DNAH14: variants seen among roughly 807,000 people sequenced by gnomAD.
DNAH14 encodes axonemal beta dynein heavy chain 14.
In DNAH14, 478 loss-of-function variants were observed where a neutral mutation model predicts 520.9. That is an observed-to-expected ratio of 0.92 (90% CI 0.85 to 0.99). The LOEUF is 0.99. Among genes scored for constraint, DNAH14 ranks in the 50% least tolerant of loss-of-function variants. The probability of loss-of-function intolerance (pLI) is 0.00; values close to 1 mark genes in which losing one functional copy is unlikely to be tolerated. For missense variants in DNAH14, 4,831 were observed against 5,234.5 expected, an observed-to-expected ratio of 0.92 and a Z score of 2.38; for synonymous variants, 1,581 against 1,757.2, an observed-to-expected ratio of 0.90 and a Z score of 2.51.
At chr1:225,003,734 A>G (rs549723593) in intron 9 of DNAH14, among the ~76,000 whole-genome samples, 1 of 152,252 alleles carries the variant, frequency 6.6e-6, no homozygotes, top group Non-Finnish European at 1.5e-5. Context: ...ATACTTATAT[A>G]GAGAATGTTT....
chr1:225,166,351 C>T (rs2082047886), intron 35 of DNAH14, among the ~76,000 whole-genome samples: 1 of 152,090 alleles, frequency 6.6e-6, no homozygotes, highest in Non-Finnish European at 1.5e-5. Context: ...GTATTATACC[C>T]ACATTTGTAT....
At chr1:225,102,292 G>C (rs111304225) in intron 23 of DNAH14, among the ~76,000 whole-genome samples, 7,892 of 151,920 alleles carry the variant, frequency 0.052, 221 homozygotes, top group Non-Finnish European at 0.076. Flanking sequence ...GTCTATCATT[G>C]TTGGACATTT....
intron 46 of DNAH14, among the ~76,000 whole-genome samples, chr1:225,260,597 G>A (rs2092901127): frequency 6.8e-6 from 1 of 147,482 alleles, no homozygotes; most frequent in Non-Finnish European, 1.5e-5. Context: ...GTAGGGTGAT[G>A]CCACAAGCTT....
chr1:225,130,387 C>G (rs2148949274), intron 27 of DNAH14, among the ~76,000 whole-genome samples: 1 of 152,028 alleles, frequency 6.6e-6, no homozygotes, highest in South Asian at 2.1e-4. Context: ...TATTGTGGCA[C>G]TAGTCACAAT....
At chr1:225,288,237 T>C (rs2093791957) in intron 54 of DNAH14, among the ~76,000 whole-genome samples, 2 of 152,088 alleles carry the variant, frequency 1.3e-5, no homozygotes, top group South Asian at 4.1e-4. Context: ...ATGGTGAGTA[T>C]AATCATGAGA....
rs1421782699 is a variant in DNAH14, at chr1:225,337,275, T to C, written c.10090T>C (p.Trp3364Arg). 3.2e-6 allele frequency: 5 copies of C among 1,551,562 alleles called. No homozygotes were observed. The highest frequency in any genetic ancestry group is 1.2e-5 in the South Asian group (1 of 84,050). Residue 3364 changes from tryptophan (W) to arginine (R), a missense_variant, in exon 67 of 86, where the codon TGG becomes CGG. By Grantham distance (101) the Trp-to-Arg change is moderately radical. Coordinates refer to ENST00000682510, the MANE Select transcript of DNAH14 (RefSeq NM_001367479.1). Reference sequence around the variant, plus strand: ...AATAATTTCATTGCAGATCAGCCGATGGCATAATCAGGGACTGCCTCATGG... The same window carrying C: ...AATAATTTCATTGCAGATCAGCCGACGGCATAATCAGGGACTGCCTCATGG... Reference protein sequence around the residue: ...VMAQKYEISRWHNQGLPHGQY... With the variant: ...VMAQKYEISRRHNQGLPHGQY...
intron 23 of DNAH14, among the ~76,000 whole-genome samples, chr1:225,106,404 A>G (rs2076050334): frequency 6.6e-6 from 1 of 151,826 alleles, no homozygotes; most frequent in African/African-American, 2.4e-5. Context: ...CGTTCTCTGT[A>G]TTTGCTGAAG....
chr1:225,343,114 G>A (rs1200556325), intron 69 of DNAH14, among the ~76,000 whole-genome samples: 2 of 152,170 alleles, frequency 1.3e-5, no homozygotes, highest in African/African-American at 4.8e-5. Flanking sequence ...CCCACTGTTA[G>A]ACATTTACCT....
intron 17 of DNAH14, among the ~76,000 whole-genome samples, chr1:225,056,963 G>T (rs145154235): frequency 6.6e-6 from 1 of 152,144 alleles, no homozygotes; most frequent in African/African-American, 2.4e-5. Flanking sequence ...GTCAGGTAGC[G>T]TGATGTGTCC....
At chr1:225,051,156 G>C (rs2068499847) in intron 16 of DNAH14, among the ~76,000 whole-genome samples, 1 of 152,152 alleles carries the variant, frequency 6.6e-6, no homozygotes, top group Non-Finnish European at 1.5e-5. Flanking sequence ...CTCTAAAACA[G>C]GGTAATAAGC....
chr1:225,107,726 C>T (rs1358059241), intron 23 of DNAH14, among the ~76,000 whole-genome samples: 2 of 152,100 alleles, frequency 1.3e-5, no homozygotes, highest in Non-Finnish European at 1.5e-5. Flanking sequence ...AAACTGTTCT[C>T]CATAGTGGTT....
chr1:225,140,332 C>A (rs2079324186), intron 27 of DNAH14, among the ~76,000 whole-genome samples: 1 of 152,110 alleles, frequency 6.6e-6, no homozygotes, highest in Non-Finnish European at 1.5e-5. Context: ...TTATGTATGA[C>A]AAGAGTGGGT....
At chr1:225,054,538 C>A (rs111334888) in intron 17 of DNAH14, among the ~76,000 whole-genome samples, 1,992 of 152,034 alleles carry the variant, frequency 0.013, 38 homozygotes, top group African/African-American at 0.045. Context: ...TCCTCTATAT[C>A]CTTATTTATT....
Position 225,289,932 on chromosome 1 carries a change from T to C in DNAH14, c.8319T>C (p.Cys2773=). The C allele has an allele frequency of 2.0e-6, 3 of 1,506,100 alleles. No individual in the cohort carries two copies. Among genetic ancestry groups the C allele is most frequent in the Non-Finnish European group, 2.7e-6 (3 of 1,123,904 alleles). The allele number at this position is 1,506,100 out of a possible 1,614,324, so 93.3% of individuals were successfully genotyped here. A position where few individuals can be genotyped will look rare whatever the true frequency, so the allele number is the denominator to read the frequency against. The stretch of plus-strand genomic sequence containing the variant: ...AAAAAACATGTGCAACCTTGGCCTG[T>C]TATTTGACAGATAATAAACTATACC... ...CGKKTCATLA[C]YLTDNKLYRV... Residue 2773 remains cysteine (C), a synonymous_variant, in exon 55 of 86, where the codon TGT becomes TGC. Coordinates refer to ENST00000682510, the MANE Select transcript of DNAH14 (RefSeq NM_001367479.1).
intron 11 of DNAH14, 124 bp downstream of exon 11, chr1:225,023,989 T>G: frequency 7.1e-7 from 1 of 1,410,352 alleles, no homozygotes; most frequent in Non-Finnish European, 9.2e-7. Flanking sequence ...GCAGAGTACA[T>G]GTACTCATTT....
At chr1:225,035,656 TTTTTGTTTTG>T (rs766595938) in intron 11 of DNAH14, among the ~76,000 whole-genome samples, 2 of 152,022 alleles carry the variant, frequency 1.3e-5, no homozygotes, top group African/African-American at 2.4e-5. Flanking sequence ...ATTTGTAGGG[TTTTTGTTTTG>T]TTTTGTTTTG....
chr1:225,156,728 T>TTTTTTTG (rs1271575850), intron 34 of DNAH14, among the ~76,000 whole-genome samples: 1 of 103,336 alleles, frequency 9.7e-6, no homozygotes, highest in Non-Finnish European at 1.9e-5. Flanking sequence ...TTTTTTTTTT[T>TTTTTTTG]TTTTGAGACG....
chr1:224,933,954 G>A (rs1041667150), intron 1 of DNAH14, among the ~76,000 whole-genome samples: 3 of 151,672 alleles, frequency 2.0e-5, no homozygotes, highest in Admixed American at 6.6e-5. Flanking sequence ...AAAGAAATGC[G>A]GAGACTACAC....
intron 37 of DNAH14, among the ~76,000 whole-genome samples, chr1:225,190,236 A>G (rs1310360955): frequency 6.6e-6 from 1 of 151,196 alleles, no homozygotes; most frequent in African/African-American, 2.4e-5. Context: ...AAATAGAACA[A>G]TTATAAAAAA....
Sources: gnomAD v4.1 joint callset for allele counts (sites outside exome capture counted in the v4.1 genomes callset) on GRCh38, gnomAD v4.1.1 for gene constraint, MANE v1.5 for transcripts, NCBI Gene and HGNC (gene_info 2026-07-23, HGNC 2026-07-21) for gene names.